Variants in PGM1 observed in about 807,000 individuals in gnomAD.
PGM1 encodes phosphoglucomutase-1.
A neutral mutation model predicts 55.6 loss-of-function variants in PGM1; 52 were observed. The observed-to-expected ratio is 0.94, with a 90% CI of 0.75 to 1.18. The LOEUF (loss-of-function observed/expected upper bound fraction) is 1.18. Ranked by LOEUF, PGM1 falls within the 50% of genes most tolerant of loss-of-function variation. The probability of loss-of-function intolerance (pLI) is 0.00; values close to 1 mark genes in which losing one functional copy is unlikely to be tolerated. For missense variants in PGM1, 724 were observed against 729.3 expected (o/e 0.99, Z 0.08); for synonymous variants, 287 against 271.7 (o/e 1.06, Z -0.55).
At chr1:63,638,513 C>A (rs1405448194) in intron 6 of PGM1, among the ~76,000 whole-genome samples, 172 bp from the exon 7 acceptor site, 1 of 152,098 alleles carries the variant, frequency 6.6e-6, no homozygotes, top group Non-Finnish European at 1.5e-5. Flanking sequence ...ATATAATAGC[C>A]CATTGTGCAC....
At chr1:63,623,786 G>GT (rs1379392334) in intron 1 of PGM1, 2 of 1,525,026 alleles carry the variant, frequency 1.3e-6, no homozygotes, top group African/African-American at 2.8e-5. Flanking sequence ...GTATTGTTAT[G>GT]TTTCTGGCTC....
chr1:63,647,259 CATATATAT>C lies in PGM1; in HGVS notation c.1145-1216_1145-1209del, dbSNP rs55760196. Among the ~76,000 whole-genome samples the C allele has an allele frequency of 6.3e-3, 350 of 55,208 alleles. 1 individual carries two copies. Among genetic ancestry groups the C allele is most frequent in the Admixed American group, 0.014 (60 of 4,218 alleles). The allele number at this position is 55,208 out of a possible 152,430, so 36.2% of individuals were successfully genotyped here. A position where few individuals can be genotyped will look rare whatever the true frequency, so the allele number is the denominator to read the frequency against. On this transcript the variant is annotated intron_variant, in intron 7 of 10. Transcript: ENST00000371084. ...CTCCGTCTCAAAAAATAAAATTTTA[CATATATAT>C]ATATATATATATATATATATATATA...
At chr1:63,624,168 G>A (rs1335160350) in intron 1 of PGM1, among the ~76,000 whole-genome samples, 1 of 152,148 alleles carries the variant, frequency 6.6e-6, no homozygotes, top group Non-Finnish European at 1.5e-5. Context: ...CTTTCTTGTT[G>A]AAGTTCAGTC....
In PGM1 at chr1:63,594,380, G is replaced by T. The variant is rs548411549; in HGVS notation, c.246+646G>T. On this transcript the variant is annotated intron_variant, in intron 1 of 10. Transcript: ENST00000371084. ...CGAACTCCTGCCCTTTGCGCGGCCT[G>T]CTTGCTGGGGGGCAGGCGTTTGAAA... is the stretch of plus-strand genomic sequence containing the variant. Among the ~76,000 whole-genome samples, 316 of 152,276 alleles carry T rather than the reference G, an allele frequency of 2.1e-3. 2 individuals carry two copies. Among genetic ancestry groups the T allele is most frequent in the Non-Finnish European group, 3.1e-3 (212 of 68,014 alleles).
intron 4 of PGM1, among the ~76,000 whole-genome samples, chr1:63,633,864 CTCTGTG>C (rs1557433438): frequency 4.3e-5 from 3 of 70,150 alleles, no homozygotes; most frequent in Non-Finnish European, 5.4e-5. Flanking sequence ...GTGTCTGTGT[CTCTGTG>C]TGTGTGTGTG....
intron 8 of PGM1, among the ~76,000 whole-genome samples, chr1:63,650,738 A>G (rs1649786304): frequency 6.6e-6 from 1 of 152,212 alleles, no homozygotes; most frequent in South Asian, 2.1e-4. Flanking sequence ...AAAGAAGTCA[A>G]AAAGAATTCT....
intron 8 of PGM1, among the ~76,000 whole-genome samples, chr1:63,649,778 T>C (rs1310486878): frequency 6.6e-6 from 1 of 152,184 alleles, no homozygotes; most frequent in Non-Finnish European, 1.5e-5. Context: ...ACAGTAGCCC[T>C]GGGAACCAAG....
intron 1 of PGM1, among the ~76,000 whole-genome samples, chr1:63,619,870 G>A (rs1284814646): frequency 6.6e-6 from 1 of 152,078 alleles, no homozygotes; most frequent in Non-Finnish European, 1.5e-5. Flanking sequence ...CACTCAGAAT[G>A]TGAGAAAAAA....
At chr1:63,623,763 G>A (rs1648949640) in intron 1 of PGM1, 1 of 1,601,512 alleles carries the variant, frequency 6.2e-7, no homozygotes, top group Non-Finnish European at 8.5e-7. Flanking sequence ...CCAATGGGGT[G>A]GGTATATGAT....
intron 1 of PGM1, 124 bp downstream of exon 1, chr1:63,593,858 G>A (rs1647951025): frequency 6.1e-6 from 8 of 1,301,048 alleles, no homozygotes; most frequent in Non-Finnish European, 7.7e-6. Context: ...TCCACCTCCC[G>A]CTCCTCCCTC....
In PGM1 at chr1:63,593,421, C is replaced by T. The variant is rs1157022043; in HGVS notation, c.-68C>T. Reference sequence around the variant, plus strand: ...CCGTGCCCTCACCCCAGAGCAGCTGCAGCCTCAGCCGGCCGCCCCTCCGCC... The same window carrying T: ...CCGTGCCCTCACCCCAGAGCAGCTGTAGCCTCAGCCGGCCGCCCCTCCGCC... On this transcript the variant is annotated 5_prime_UTR_variant, in exon 1 of 11. Transcript: ENST00000371084. 3 of 1,605,904 alleles carry T rather than the reference C, an allele frequency of 1.9e-6. No individual in the cohort carries two copies. The African/African-American group carries it at 4.0e-5, about 21-fold the overall frequency.
intron 1 of PGM1, among the ~76,000 whole-genome samples, chr1:63,625,359 A>G (rs1349658238): frequency 6.6e-6 from 1 of 152,240 alleles, no homozygotes; most frequent in Non-Finnish European, 1.5e-5. Context: ...AGGTAAGCTT[A>G]GAGGTGAGAG....
chr1:63,603,284 G>A (rs914117304), intron 1 of PGM1, among the ~76,000 whole-genome samples: 2 of 152,196 alleles, frequency 1.3e-5, no homozygotes, highest in African/African-American at 4.8e-5. Context: ...GAATGTAAGG[G>A]GTGTTGGGCC....
Position 63,638,759 on chromosome 1 carries a change from C to T in PGM1, c.1103C>T (p.Ala368Val), listed in dbSNP as rs145972303. 492 of 1,614,038 alleles carry T rather than the reference C, an allele frequency of 3.0e-4. No individual in the cohort carries two copies. The highest frequency in any genetic ancestry group is 7.1e-4 in the East Asian group (32 of 44,884). Residue 368 changes from alanine to valine, a missense_variant, in exon 7 of 11, where the codon GCG becomes GTG. Ala to Val is a moderately conservative substitution (Grantham distance 64). Transcript: ENST00000371084. ...AAGTTTTTTGGGAATTTGATGGACGCGAGCAAACTGTCCCTTTGTGGGGAG... is the reference window on the plus strand; with the variant it reads ...AAGTTTTTTGGGAATTTGATGGACGTGAGCAAACTGTCCCTTTGTGGGGAG... Reference protein sequence around the residue: ...GWKFFGNLMDASKLSLCGEES... With the variant: ...GWKFFGNLMDVSKLSLCGEES...
In PGM1 at chr1:63,623,661, A is replaced by C. The variant is rs369768075; in HGVS notation, c.247-5764A>C. The C allele has an allele frequency of 1.9e-6, 3 of 1,612,348 alleles. No individual in the cohort carries two copies. The African/African-American group carries it at 4.0e-5, about 22-fold the overall frequency. On this transcript the variant is annotated intron_variant, in intron 1 of 10. Coordinates refer to ENST00000371084, the MANE Select transcript of PGM1 (RefSeq NM_002633.3). ...AGAGTATATTCTTTTCCATAGACCT[A>C]AAAGATCGCCAGGGATCATCACTGG...
At chr1:63,594,788 CA>C (rs34661751) in intron 1 of PGM1, among the ~76,000 whole-genome samples, 29,358 of 90,110 alleles carry the variant, frequency 0.33, 3,793 homozygotes, top group Middle Eastern at 0.42. Context: ...CTAAAAAATA[CA>C]AAAAAAAAAA....
intron 1 of PGM1, among the ~76,000 whole-genome samples, chr1:63,624,432 A>G (rs1251046825): frequency 2.0e-5 from 3 of 152,178 alleles, no homozygotes; most frequent in Non-Finnish European, 4.4e-5. Context: ...TGCATCGTGA[A>G]AAACCGTGTT....
intron 1 of PGM1, among the ~76,000 whole-genome samples, chr1:63,607,715 A>G (rs559745694): frequency 6.6e-6 from 1 of 152,274 alleles, no homozygotes; most frequent in Admixed American, 6.5e-5. Flanking sequence ...TTAGTATCGT[A>G]CCCTGCCAAA....
intron 1 of PGM1, among the ~76,000 whole-genome samples, chr1:63,596,054 T>C (rs766004761): frequency 2.6e-5 from 4 of 152,150 alleles, no homozygotes; most frequent in Non-Finnish European, 4.4e-5. Context: ...GCTAAATTCA[T>C]GGAATACACT....
Sources: allele counts gnomAD v4.1 joint callset (sites outside exome capture counted in the v4.1 genomes callset), GRCh38; gene constraint gnomAD v4.1.1; transcripts MANE v1.5; gene names NCBI Gene and HGNC (gene_info 2026-07-23, HGNC 2026-07-21).